PCNX2: variants seen among roughly 807,000 people sequenced by gnomAD.
PCNX2 encodes pecanex-like protein 2.
In PCNX2, 168 loss-of-function variants were observed where a neutral mutation model predicts 223.8. That is an observed-to-expected ratio of 0.75 (90% confidence interval 0.66 to 0.85). The LOEUF is 0.85. Among genes scored for constraint, PCNX2 ranks in the 40% least tolerant of loss-of-function variants. The pLI, the probability that PCNX2 is intolerant of heterozygous loss-of-function variation, is 0.00. For missense variants in PCNX2, 2,507 were observed against 2,675.5 expected (o/e 0.94, Z 1.39); for synonymous variants, 1,006 against 1,052.6 (o/e 0.96, Z 0.86).
chr1:233,193,896 T>G (rs1303495845), intron 15 of PCNX2, among the ~76,000 whole-genome samples: 1 of 152,018 alleles, frequency 6.6e-6, no homozygotes, highest in Non-Finnish European at 1.5e-5. Flanking sequence ...AAAAAAAGAC[T>G]ATAGCATACA....
intron 26 of PCNX2, among the ~76,000 whole-genome samples, chr1:233,024,218 T>C (rs1394662380): frequency 2.0e-5 from 3 of 152,256 alleles, no homozygotes; most frequent in African/African-American, 2.4e-5. Flanking sequence ...TCTGGATTTA[T>C]TCCAAATTTC....
At chr1:233,270,750 T>C (rs1660599463) in intron 1 of PCNX2, among the ~76,000 whole-genome samples, 1 of 152,190 alleles carries the variant, frequency 6.6e-6, no homozygotes, top group South Asian at 2.1e-4. Context: ...CTGGACCTCT[T>C]TCTTAGTGTG....
At chr1:233,286,185 G>A (rs188602203) in intron 1 of PCNX2, among the ~76,000 whole-genome samples, 41 of 152,326 alleles carry the variant, frequency 2.7e-4, no homozygotes, top group Admixed American at 5.9e-4. Flanking sequence ...CTGGTGTGCA[G>A]CTAGTCCTGT....
intron 9 of PCNX2, among the ~76,000 whole-genome samples, chr1:233,234,561 G>A (rs926756421): frequency 5.3e-5 from 8 of 152,102 alleles, no homozygotes; most frequent in Admixed American, 5.2e-4. Context: ...GACTATTTCT[G>A]ATTTATTCTT....
Position 232,986,155 on chromosome 1 carries a change from C to G in PCNX2, c.6177G>C (p.Gln2059His). The change falls in exon 33 of 34, where the codon CAG becomes CAC. Residue 2059 changes from glutamine to histidine, a missense_variant. Physicochemically the swap from Gln to His is conservative, Grantham distance 24. Around this residue, in one of 3 missense-constraint regions of PCNX2, gnomAD observed 1,372 missense variants for 1,509.4 expected, o/e 0.91. Coordinates refer to ENST00000258229, the MANE Select transcript of PCNX2 (RefSeq NM_014801.4). ...TCACGATGTTGACGCTGCTGGATGA[C>G]TGGGTGTCACTGGTATTGCCCCCCT... ...AAEGGNTSDT[Q>H]SSSSVNIVMG... is the part of the protein sequence containing the mutation. 6.4e-7 allele frequency: 1 copy of G among 1,568,968 alleles called. No homozygotes were observed.
intron 30 of PCNX2, chr1:232,999,607 A>G (rs1344145967): frequency 1.0e-5 from 5 of 495,180 alleles, no homozygotes; most frequent in Non-Finnish European, 1.4e-5. Context: ...GCATGTGCCA[A>G]CACACCTGGC....
rs1341922113 is a variant in PCNX2, at chr1:233,198,984, G to A, written c.3021C>T (p.Val1007=). 1 of 1,605,782 alleles carries A rather than the reference G, an allele frequency of 6.2e-7. No homozygotes were observed. The highest frequency in any genetic ancestry group is 2.2e-5 in the East Asian group (1 of 44,538). The change falls in exon 15 of 34, where the codon GTC becomes GTT. Residue 1007 remains valine, a synonymous_variant. Coordinates refer to ENST00000258229, the MANE Select transcript of PCNX2 (RefSeq NM_014801.4). ...TSAVYSVARS[V]LAAALLHAVC... is the part of the protein sequence containing the mutation. ...CTGCGTGGAGCAGGGCGGCAGCCAAGACGCTCCGGGCCACACTGTAAACAG... is the reference window on the plus strand; with the variant it reads ...CTGCGTGGAGCAGGGCGGCAGCCAAAACGCTCCGGGCCACACTGTAAACAG...
At chr1:233,098,477 A>C (rs572912260) in intron 21 of PCNX2, among the ~76,000 whole-genome samples, 2 of 152,288 alleles carry the variant, frequency 1.3e-5, no homozygotes, top group African/African-American at 4.8e-5. Context: ...CCAAAGCCCC[A>C]GGTATCCTTG....
intron 10 of PCNX2, among the ~76,000 whole-genome samples, chr1:233,225,471 C>T (rs1657656736): frequency 6.6e-6 from 1 of 152,150 alleles, no homozygotes. Flanking sequence ...GACTCGAGTC[C>T]AGGGATTCCC....
At chr1:233,091,891 A>G (rs1430077066) in intron 22 of PCNX2, among the ~76,000 whole-genome samples, 2 of 151,902 alleles carry the variant, frequency 1.3e-5, no homozygotes, top group Non-Finnish European at 2.9e-5. Context: ...AAAGATCTCT[A>G]TTGTGCTGCA....
At chr1:233,034,147 G>A (rs1328811243) in intron 25 of PCNX2, among the ~76,000 whole-genome samples, 1 of 152,176 alleles carries the variant, frequency 6.6e-6, no homozygotes, top group Non-Finnish European at 1.5e-5. Context: ...GGGAGGCGGA[G>A]GTTGCAATGA....
chr1:233,262,143 C>T lies in PCNX2; in HGVS notation c.382G>A (p.Gly128Ser), dbSNP rs1420796945. 1 of 1,613,718 alleles carries T rather than the reference C, an allele frequency of 6.2e-7. No homozygotes were observed. Among genetic ancestry groups the T allele is most frequent in the Non-Finnish European group, 8.5e-7 (1 of 1,179,736 alleles). The change falls in exon 3 of 34, where the codon GGC (glycine) becomes AGC (serine). Residue 128 changes from glycine to serine, a missense_variant. Gly to Ser is a moderately conservative substitution (Grantham distance 56). Transcript: ENST00000258229. Reference protein sequence around the residue: ...NPSNNRQIHNGKKEEASRNLS... With the variant: ...NPSNNRQIHNSKKEEASRNLS... The stretch of plus-strand genomic sequence containing the variant: ...TTTCGACTGGCCTCTTCCTTTTTGC[C>T]ATTGTGAATCTGCCTATTATTGCTA...
chr1:233,101,192 C>T (rs1674469056), intron 21 of PCNX2, among the ~76,000 whole-genome samples: 1 of 152,094 alleles, frequency 6.6e-6, no homozygotes, highest in South Asian at 2.1e-4. Context: ...GGAAAACCAT[C>T]AGATGTTTTG....
chr1:233,200,285 T>C (rs757783289), intron 13 of PCNX2, 21 bp from the exon 14 acceptor site: 1 of 1,512,542 alleles, frequency 6.6e-7, no homozygotes, highest in East Asian at 2.4e-5. Flanking sequence ...ACAAACAAAA[T>C]TGACGATAAG....
chr1:233,180,285 C>A (rs568826081), intron 15 of PCNX2, among the ~76,000 whole-genome samples: 8 of 152,146 alleles, frequency 5.3e-5, no homozygotes, highest in Non-Finnish European at 1.0e-4. Flanking sequence ...ACATTGTATT[C>A]GGCCTGGCAG....
chr1:233,281,919 C>T (rs1217851336), intron 1 of PCNX2, among the ~76,000 whole-genome samples: 1 of 152,132 alleles, frequency 6.6e-6, no homozygotes, highest in Non-Finnish European at 1.5e-5. Context: ...CAAATCACAG[C>T]CCTACTCTCA....
intron 15 of PCNX2, among the ~76,000 whole-genome samples, chr1:233,192,513 C>A (rs547349557): frequency 6.6e-6 from 1 of 151,832 alleles, no homozygotes; most frequent in Non-Finnish European, 1.5e-5. Flanking sequence ...ATTCTCACTG[C>A]GAAATGAGGA....
chr1:232,985,850 C>A (rs1669454470), intron 33 of PCNX2: 1 of 610,384 alleles, frequency 1.6e-6, no homozygotes, highest in African/African-American at 1.8e-5. Flanking sequence ...CCGGTGACTC[C>A]TTTCAGTGCC....
At position 233,163,925 on chromosome 1, in the gene PCNX2, T is replaced by C. The variant is rs143341828; in HGVS notation, c.3274-2562A>G. ...CTCTGTATGGATATACCACAATGTG[T>C]TTATCTGTTCACCTGTGGGTAGATG... On this transcript the variant is annotated intron_variant, in intron 17 of 33. Transcript: ENST00000258229. Among the ~76,000 whole-genome samples the C allele has an allele frequency of 1.1e-3, 173 of 152,296 alleles. 3 individuals are homozygous for C. Among genetic ancestry groups the C allele is most frequent in the Admixed American group, 0.01 (157 of 15,306 alleles).
Sources: allele counts gnomAD v4.1 joint callset (sites outside exome capture counted in the v4.1 genomes callset), GRCh38; gene constraint gnomAD v4.1.1; regional missense constraint gnomAD v4.1.1; transcripts MANE v1.5; gene names NCBI Gene and HGNC (gene_info 2026-07-23, HGNC 2026-07-21).